STK39: variants seen among roughly 807,000 people sequenced by gnomAD.
The protein encoded by STK39 is serine/threonine kinase 39.
In STK39, 20 loss-of-function variants were observed where a neutral mutation model predicts 77.8. The ratio of observed to expected loss-of-function variants is 0.26; its 90% CI spans 0.18 to 0.37. The LOEUF (loss-of-function observed/expected upper bound fraction) is 0.37. Ranked by LOEUF, STK39 falls within the 10% of genes least tolerant of loss-of-function variation. STK39 has a pLI of 1.00. For synonymous variants in STK39, 246 were observed against 234.1 expected, an observed-to-expected ratio of 1.05 and a Z score of -0.47; for missense variants, 479 against 656.5, an observed-to-expected ratio of 0.73 and a Z score of 2.95.
At chr2:168,075,840 C>T (rs939988685) in intron 10 of STK39, among the ~76,000 whole-genome samples, 7 of 152,182 alleles carry the variant, frequency 4.6e-5, no homozygotes, top group African/African-American at 1.7e-4. Flanking sequence ...CTTTGTAGCA[C>T]TTATGAGACC....
chr2:167,970,840 G>C (rs1407029813), intron 16 of STK39, among the ~76,000 whole-genome samples: 1 of 152,150 alleles, frequency 6.6e-6, no homozygotes, highest in Non-Finnish European at 1.5e-5. Flanking sequence ...AGCCAATCCA[G>C]TTGTTTCTGT....
chr2:168,070,688 A>G (rs1685918061), intron 12 of STK39, among the ~76,000 whole-genome samples: 1 of 149,880 alleles, frequency 6.7e-6, no homozygotes, highest in South Asian at 2.1e-4. Context: ...AAGTGAGAAC[A>G]TGCGGTGTTT....
intron 10 of STK39, among the ~76,000 whole-genome samples, chr2:168,076,941 T>C (rs957784655): frequency 2.0e-5 from 3 of 152,218 alleles, no homozygotes; most frequent in African/African-American, 7.2e-5. Context: ...ATTTTAATGC[T>C]TGCAGAAATA....
At chr2:168,206,993 T>C (rs1459951847) in intron 1 of STK39, among the ~76,000 whole-genome samples, 1 of 152,184 alleles carries the variant, frequency 6.6e-6, no homozygotes, top group African/African-American at 2.4e-5. Context: ...TGTACAAGAC[T>C]CCAATTTCAG....
At chr2:167,965,830 T>TA (rs1692142694) in intron 16 of STK39, among the ~76,000 whole-genome samples, 1 of 152,070 alleles carries the variant, frequency 6.6e-6, no homozygotes, top group Non-Finnish European at 1.5e-5. Context: ...AGTAGAAAAA[T>TA]TTAAGTAGAA....
chr2:168,202,432 T>C (rs1689634420), intron 1 of STK39, among the ~76,000 whole-genome samples: 1 of 152,194 alleles, frequency 6.6e-6, no homozygotes, highest in Non-Finnish European at 1.5e-5. Flanking sequence ...TGAAGTATTT[T>C]AACCCCATTT....
intron 12 of STK39, among the ~76,000 whole-genome samples, chr2:168,069,659 C>T (rs1685888329): frequency 2.0e-5 from 3 of 152,266 alleles, no homozygotes; most frequent in East Asian, 1.9e-4. Flanking sequence ...TTCTGGATTC[C>T]GAGGGATTTG....
At chr2:168,016,541 T>G (rs1574394499) in intron 15 of STK39, among the ~76,000 whole-genome samples, 1 of 151,942 alleles carries the variant, frequency 6.6e-6, no homozygotes, top group Non-Finnish European at 1.5e-5. Context: ...GCAGAGGGGG[T>G]CAAAGGGTTT....
At chr2:167,982,381 T>C (rs761962279) in intron 16 of STK39, among the ~76,000 whole-genome samples, 2 of 152,306 alleles carry the variant, frequency 1.3e-5, no homozygotes, top group South Asian at 2.1e-4. Context: ...GCTACAGTTA[T>C]AGCACTGACC....
At chr2:167,963,316 G>A (rs1286621736) in intron 17 of STK39, among the ~76,000 whole-genome samples, 2 of 152,078 alleles carry the variant, frequency 1.3e-5, no homozygotes, top group South Asian at 2.1e-4. Context: ...AAAATCTTCG[G>A]TAGTAGGAAA....
chr2:168,247,493 A>C lies in STK39; in HGVS notation c.-58T>G. 1 of 1,230,002 alleles carries C rather than the reference A, an allele frequency of 8.1e-7. No individual in the cohort carries two copies. The highest frequency in any genetic ancestry group is 1.9e-5 in the South Asian group (1 of 53,742). The allele number at this position is 1,230,002 out of a possible 1,614,324, so 76.2% of individuals were successfully genotyped here. A position where few individuals can be genotyped will look rare whatever the true frequency, so the allele number is the denominator to read the frequency against. ...GCCGACGGACGACCTTCCACTTGAA[A>C]CTTCCTTTGCCTCGCCGCCGACACC... On this transcript the variant is annotated 5_prime_UTR_variant, in exon 1 of 18. Transcript: ENST00000355999.
chr2:167,974,308 GT>G (rs1683210915), intron 16 of STK39, among the ~76,000 whole-genome samples: 1 of 151,960 alleles, frequency 6.6e-6, no homozygotes, highest in African/African-American at 2.4e-5. Context: ...ATAATACCAA[GT>G]GTTTTAAACC....
intron 16 of STK39, among the ~76,000 whole-genome samples, chr2:168,011,306 A>G (rs984845728): frequency 6.6e-6 from 1 of 152,204 alleles, no homozygotes; most frequent in Non-Finnish European, 1.5e-5. Context: ...CTCAAAAAAA[A>G]CAAAACCAAA....
chr2:168,165,266 C>T (rs1688668927), intron 3 of STK39, among the ~76,000 whole-genome samples: 11 of 152,148 alleles, frequency 7.2e-5, no homozygotes, highest in Admixed American at 7.2e-4. Context: ...AAAATCTGTT[C>T]TTACCTAAAG....
intron 1 of STK39, among the ~76,000 whole-genome samples, chr2:168,233,484 G>A (rs1226370584): frequency 1.3e-5 from 2 of 152,072 alleles, no homozygotes; most frequent in Non-Finnish European, 2.9e-5. Flanking sequence ...CAAAAGAGCA[G>A]GTATCCTACC....
chr2:168,140,392 TAAGA>T lies in STK39; in HGVS notation c.739-6_739-3del, dbSNP rs760979532. 2 of 1,612,798 alleles carry T rather than the reference TAAGA, an allele frequency of 1.2e-6. No homozygotes were observed. Among genetic ancestry groups the T allele is most frequent in the Non-Finnish European group, 8.5e-7 (1 of 1,178,896 alleles). ...AGCCTTGAAGTCATAGCCTCTCACC[TAAGA>T]AAGAAAGCAGGAAAAAAACACAATC... is the stretch of plus-strand genomic sequence containing the variant. On this transcript the variant is annotated splice_region_variant and splice_polypyrimidine_tract_variant and intron_variant, in intron 6 of 17. Coordinates refer to ENST00000355999, the MANE Select transcript of STK39 (RefSeq NM_013233.3).
intron 15 of STK39, among the ~76,000 whole-genome samples, chr2:168,013,234 C>A (rs919548805): frequency 3.9e-5 from 6 of 152,196 alleles, no homozygotes; most frequent in Admixed American, 2.6e-4. Context: ...TGACACTGAT[C>A]ATTTGATAGC....
At chr2:167,956,667 G>C (rs938407603) in intron 17 of STK39, among the ~76,000 whole-genome samples, 2 of 47,924 alleles carry the variant, frequency 4.2e-5, no homozygotes, top group African/African-American at 1.2e-4. Flanking sequence ...CTTGCTTTTA[G>C]ACACACACAC....
At chr2:168,087,463 T>TC (rs1356830313) in intron 10 of STK39, among the ~76,000 whole-genome samples, 1 of 152,256 alleles carries the variant, frequency 6.6e-6, no homozygotes, top group African/African-American at 2.4e-5. Context: ...AGGGAAATTA[T>TC]CCTTGATAAT....
Sources: gnomAD v4.1 joint callset for allele counts (sites outside exome capture counted in the v4.1 genomes callset) on GRCh38, gnomAD v4.1.1 for gene constraint, MANE v1.5 for transcripts, NCBI Gene and HGNC (gene_info 2026-07-23, HGNC 2026-07-21) for gene names.